SOBP: variants seen among roughly 807,000 people sequenced by gnomAD.
The protein encoded by SOBP is sine oculis binding protein homolog.
Under a neutral mutation model 53.6 loss-of-function variants are expected in SOBP, and 4 were observed. The observed-to-expected ratio is 0.07, with a 90% CI of 0.04 to 0.17. The LOEUF (loss-of-function observed/expected upper bound fraction) is 0.17. SOBP is among the 10% of genes least tolerant of loss of function. The pLI is 1.00. For missense variants in SOBP, 1,088 were observed against 1,204.7 expected, an observed-to-expected ratio of 0.90 and a Z score of 1.43; for synonymous variants, 584 against 522.6, an observed-to-expected ratio of 1.12 and a Z score of -1.60.
chr6:107,500,586 A>G (rs1782812982), intron 1 of SOBP, among the ~76,000 whole-genome samples: 1 of 151,464 alleles, frequency 6.6e-6, no homozygotes, highest in Non-Finnish European at 1.5e-5. Flanking sequence ...CAGTGGCGCG[A>G]TCTCGGCTCA....
intron 5 of SOBP, among the ~76,000 whole-genome samples, chr6:107,603,638 T>C (rs1786264884): frequency 6.6e-6 from 1 of 152,186 alleles, no homozygotes; most frequent in Admixed American, 6.5e-5. Context: ...CAAAAAGTAC[T>C]TTGGGGGCAT....
At chr6:107,563,303 G>C (rs1262562159) in intron 4 of SOBP, among the ~76,000 whole-genome samples, 1 of 152,052 alleles carries the variant, frequency 6.6e-6, no homozygotes, top group Non-Finnish European at 1.5e-5. Flanking sequence ...AGTTTGATGG[G>C]TCAAAATAAT....
chr6:107,589,091 G>T (rs978256520), intron 5 of SOBP, among the ~76,000 whole-genome samples: 1 of 152,202 alleles, frequency 6.6e-6, no homozygotes, highest in Non-Finnish European at 1.5e-5. Flanking sequence ...AGTTTTCTTA[G>T]TGCAACTTAG....
intron 5 of SOBP, among the ~76,000 whole-genome samples, chr6:107,629,699 G>A (rs1192442553): frequency 6.6e-6 from 1 of 152,230 alleles, no homozygotes; most frequent in African/African-American, 2.4e-5. Context: ...GTTGAGCGGT[G>A]TAGGTTGCCA....
rs574399439 is a variant in SOBP, at chr6:107,629,790, T to C, written c.670-3724T>C. Among the ~76,000 whole-genome samples the C allele has an allele frequency of 2.6e-5, 4 of 152,280 alleles. No homozygotes were observed. In the South Asian group the frequency reaches 8.3e-4, roughly 32 times the overall value. ...CTACTCTGGCAGTCAGCCACCCAAA[T>C]ATAAATACTCTAAATGGACTAAAGG... On this transcript the variant is annotated intron_variant, in intron 5 of 6. Coordinates refer to ENST00000317357, the MANE Select transcript of SOBP (RefSeq NM_018013.4).
intron 3 of SOBP, among the ~76,000 whole-genome samples, chr6:107,521,830 A>G (rs1259536108): frequency 1.3e-5 from 2 of 151,838 alleles, no homozygotes; most frequent in Non-Finnish European, 2.9e-5. Flanking sequence ...CCCAGGTCAG[A>G]CATTTTATTC....
At chr6:107,500,226 A>G (rs998544988) in intron 1 of SOBP, among the ~76,000 whole-genome samples, 7 of 152,112 alleles carry the variant, frequency 4.6e-5, no homozygotes, top group African/African-American at 1.7e-4. Context: ...CCCCGTCTCT[A>G]CAATATAGAA....
At chr6:107,652,149 C>T (rs1213888958) in intron 6 of SOBP, among the ~76,000 whole-genome samples, 1 of 152,170 alleles carries the variant, frequency 6.6e-6, no homozygotes, top group African/African-American at 2.4e-5. Context: ...CTTCATAAGG[C>T]TCTAGCTGCC....
chr6:107,610,192 A>G (rs1786538430), intron 5 of SOBP, among the ~76,000 whole-genome samples: 2 of 152,178 alleles, frequency 1.3e-5, no homozygotes, highest in Non-Finnish European at 2.9e-5. Flanking sequence ...TAGAAGGGGA[A>G]TGAAATGGAT....
intron 4 of SOBP, among the ~76,000 whole-genome samples, chr6:107,561,757 A>G (rs1784777902): frequency 6.6e-6 from 1 of 152,188 alleles, no homozygotes; most frequent in Non-Finnish European, 1.5e-5. Context: ...CATTAAAATC[A>G]AAGCTTCCGG....
At chr6:107,587,289 A>G (rs1562634982) in intron 5 of SOBP, 114 bp downstream of exon 5, 6 of 853,350 alleles carry the variant, frequency 7.0e-6, no homozygotes, top group South Asian at 5.7e-5. Flanking sequence ...AGTTTTCTGT[A>G]TAGAGTTCTA....
chr6:107,561,247 A>G (rs367589447), intron 4 of SOBP, among the ~76,000 whole-genome samples: 1 of 152,166 alleles, frequency 6.6e-6, no homozygotes, highest in South Asian at 2.1e-4. Flanking sequence ...TTACAGAAGG[A>G]GAAGCAAGGC....
intron 6 of SOBP, among the ~76,000 whole-genome samples, chr6:107,639,332 G>T (rs570079671): frequency 5.9e-5 from 9 of 151,584 alleles, no homozygotes; most frequent in African/African-American, 2.2e-4. Flanking sequence ...AAATTATAGG[G>T]TTTTTTTTTC....
At chr6:107,553,346 T>A (rs996869833) in intron 4 of SOBP, among the ~76,000 whole-genome samples, 13 of 122,026 alleles carry the variant, frequency 1.1e-4, no homozygotes, top group Non-Finnish European at 1.8e-4. Flanking sequence ...TTATTTATTT[T>A]GAGACAGAGT....
rs9486627 is a variant in SOBP, at chr6:107,494,170, G to A, written c.96+3458G>A. On this transcript the variant is annotated intron_variant, in intron 1 of 6. Transcript: ENST00000317357. ...ACAATTAGTCTGCCTTATTTAATTAGTGGCTAGTAGAATTTTAAAAAATCA... is the reference window on the plus strand; with the variant it reads ...ACAATTAGTCTGCCTTATTTAATTAATGGCTAGTAGAATTTTAAAAAATCA... Among the ~76,000 whole-genome samples the A allele has an allele frequency of 4.0e-3, 608 of 152,260 alleles. 8 individuals carry two copies. Among genetic ancestry groups the A allele is most frequent in the African/African-American group, 0.014 (577 of 41,540 alleles).
At chr6:107,543,964 C>T (rs1784224128) in intron 4 of SOBP, among the ~76,000 whole-genome samples, 1 of 152,144 alleles carries the variant, frequency 6.6e-6, no homozygotes, top group South Asian at 2.1e-4. Context: ...TTGTGGTTAG[C>T]TGTTATTCCC....
In SOBP at chr6:107,659,386, G is replaced by A. The variant is rs1476378432; in HGVS notation, c.*1183G>A. 6.6e-6 allele frequency: 1 copy of A among 152,512 alleles called. No homozygotes were observed. Among genetic ancestry groups the A allele is most frequent in the Non-Finnish European group, 1.5e-5 (1 of 68,034 alleles). 9.4% of individuals were successfully genotyped at this position (152,512 alleles called of 1,614,324 possible). ...TGTGTGCACTTGTACAGTTGTAGCT[G>A]CGAGTCCAGAAGTCCTCTAGAGCAT... is the stretch of plus-strand genomic sequence containing the variant. On this transcript the variant is annotated 3_prime_UTR_variant, in exon 7 of 7. Coordinates refer to ENST00000317357, the MANE Select transcript of SOBP (RefSeq NM_018013.4).
At chr6:107,641,248 A>G (rs1473776822) in intron 6 of SOBP, among the ~76,000 whole-genome samples, 1 of 152,248 alleles carries the variant, frequency 6.6e-6, no homozygotes, top group Admixed American at 6.5e-5. Context: ...AGTTGGAGCT[A>G]CATCATGTAG....
intron 4 of SOBP, among the ~76,000 whole-genome samples, chr6:107,584,265 A>AC (rs201108347): frequency 0.021 from 3,233 of 152,146 alleles, 49 homozygotes; most frequent in East Asian, 0.058. Flanking sequence ...AAAAAAAAAA[A>AC]AAAAAACACC....
Sources: allele counts gnomAD v4.1 joint callset (sites outside exome capture counted in the v4.1 genomes callset), GRCh38; gene constraint gnomAD v4.1.1; transcripts MANE v1.5; gene names NCBI Gene and HGNC (gene_info 2026-07-23, HGNC 2026-07-21).